CCDC33: variants seen among roughly 807,000 people sequenced by gnomAD.
The protein encoded by CCDC33 is coiled-coil domain-containing protein 33.
CCDC33 carries 94 observed loss-of-function variants against 91.9 expected under a neutral mutation model. That is an observed-to-expected ratio of 1.02 (90% CI 0.87 to 1.21). The LOEUF (loss-of-function observed/expected upper bound fraction) is 1.21. Ranked by LOEUF, CCDC33 falls within the 50% of genes most tolerant of loss-of-function variation. The probability of loss-of-function intolerance (pLI) is 0.00; values close to 1 mark genes in which losing one functional copy is unlikely to be tolerated. For missense variants in CCDC33, 940 were observed against 935.5 expected, an observed-to-expected ratio of 1.00 and a Z score of -0.06; for synonymous variants, 396 against 374.5, an observed-to-expected ratio of 1.06 and a Z score of -0.66.
chr15:74,236,521 C>CA lies in CCDC33; in HGVS notation c.-199_-198insA. The CA allele has an allele frequency of 2.4e-6, 1 of 410,586 alleles. No individual in the cohort carries two copies. The highest frequency in any genetic ancestry group is 4.5e-6 in the Non-Finnish European group (1 of 223,368). The allele number at this position is 410,586 out of a possible 1,614,324, so 25.4% of individuals were successfully genotyped here. On this transcript the variant is annotated 5_prime_UTR_variant, in exon 1 of 19. Transcript: ENST00000398814. The stretch of plus-strand genomic sequence containing the variant: ...CTGCTCCCACCTGGCCACCCTCCCC[C>CA]TCCCCCCACATCCAGGCCCCAGGGC...
chr15:74,209,318 C>G, intron 1 of CCDC33: 1 of 1,488,360 alleles, frequency 6.7e-7, no homozygotes, highest in Non-Finnish European at 9.1e-7. Context: ...CTGAGTTTCC[C>G]CAGATGTGGC....
At chr15:74,221,436 G>A in intron 2 of CCDC33, 1 of 513,482 alleles carries the variant, frequency 1.9e-6, no homozygotes, top group Non-Finnish European at 2.5e-6. Flanking sequence ...CTCAGCCACG[G>A]CCCCTGGGTT....
intron 2 of CCDC33, among the ~76,000 whole-genome samples, chr15:74,210,986 T>C (rs1371780499): frequency 1.3e-5 from 2 of 152,154 alleles, no homozygotes; most frequent in Non-Finnish European, 2.9e-5. Flanking sequence ...AGACAGAGCC[T>C]TAGCTAAGGC....
intron 2 of CCDC33, among the ~76,000 whole-genome samples, chr15:74,229,572 C>T (rs1354211175): frequency 6.6e-6 from 1 of 152,190 alleles, no homozygotes; most frequent in Non-Finnish European, 1.5e-5. Context: ...ACTGAGTTAA[C>T]GTATGTAAAA....
At chr15:74,221,434 C>G (rs978650538) in intron 2 of CCDC33, 3 of 540,308 alleles carry the variant, frequency 5.6e-6, no homozygotes, top group South Asian at 1.6e-4. Context: ...TTCTCAGCCA[C>G]GGCCCCTGGG....
intron 12 of CCDC33, 144 bp downstream of exon 12, chr15:74,330,498 C>G (rs2142875467): frequency 8.9e-7 from 1 of 1,127,764 alleles, no homozygotes; most frequent in East Asian, 2.5e-5. Flanking sequence ...CACAGACACT[C>G]ACACAGTCCC....
intron 6 of CCDC33, 62 bp from the exon 7 acceptor site, chr15:74,272,709 C>T (rs1174529344): frequency 5.0e-6 from 8 of 1,593,522 alleles, no homozygotes; most frequent in Non-Finnish European, 6.8e-6. Context: ...AGCGGGGGGC[C>T]CTGGGCTGCC....
At position 74,218,823 on chromosome 15, in the gene CCDC33, A is replaced by G. The variant is rs1378795230; in HGVS notation, c.637A>G (p.Met213Val). The G allele has an allele frequency of 7.9e-7, 1 of 1,271,426 alleles. No homozygotes were observed. Among genetic ancestry groups the G allele is most frequent in the Non-Finnish European group, 1.0e-6 (1 of 978,638 alleles). 78.8% of individuals were successfully genotyped at this position (1,271,426 alleles called of 1,614,324 possible). A position where few individuals can be genotyped will look rare whatever the true frequency, so the allele number is the denominator to read the frequency against. Residue 213 changes from methionine to valine, a missense_variant, in exon 2 of 3, where the codon ATG becomes GTG. Physicochemically the swap from Met to Val is conservative, Grantham distance 21. Transcript: ENST00000635913. The surrounding 1 kb of genome is among the most constrained non-coding windows in gnomAD (Gnocchi z 4.8). ...TCCCAGGGCTGGCCAGCCAGAACTG[A>G]TGTCACCATGCCCAGAGCCCCAGCT...
chr15:74,283,331 C>G (rs2059406716), intron 10 of CCDC33, among the ~76,000 whole-genome samples: 1 of 152,228 alleles, frequency 6.6e-6, no homozygotes, highest in Non-Finnish European at 1.5e-5. Context: ...CCACCTCCCT[C>G]TGTCTCCTGC....
At chr15:74,251,057 A>T (rs1213068335) in intron 2 of CCDC33, among the ~76,000 whole-genome samples, 1 of 152,222 alleles carries the variant, frequency 6.6e-6, no homozygotes, top group Non-Finnish European at 1.5e-5. Flanking sequence ...TCCCTGTATG[A>T]ACTCAGGCCA....
chr15:74,221,237 T>TC (rs2074588094), intron 2 of CCDC33: 13 of 979,816 alleles, frequency 1.3e-5, no homozygotes, highest in Non-Finnish European at 1.4e-5. Context: ...TTTTTTTTTT[T>TC]TTTTTTCACC....
At chr15:74,213,696 C>T (rs1464642826), upstream of CCDC33, among the ~76,000 whole-genome samples, 3 of 152,200 alleles carry the variant, frequency 2.0e-5, no homozygotes, top group Non-Finnish European at 4.4e-5. Context: ...CCATTCTTCC[C>T]TTTGCTGGTC....
Position 74,218,892 on chromosome 15 carries a change from C to G in CCDC33, c.675+31C>G. The G allele has an allele frequency of 4.2e-6, 5 of 1,204,740 alleles. No homozygotes were observed. Among genetic ancestry groups the G allele is most frequent in the Non-Finnish European group, 5.3e-6 (5 of 949,080 alleles). The allele number at this position is 1,204,740 out of a possible 1,614,324, so 74.6% of individuals were successfully genotyped here. A position where few individuals can be genotyped will look rare whatever the true frequency, so the allele number is the denominator to read the frequency against. On this transcript the variant is annotated intron_variant, in intron 2 of 2. Coordinates refer to the CCDC33 transcript ENST00000635913. This position sits in a 1 kb window ranked among gnomAD's most constrained non-coding sequence, Gnocchi z 4.8. ...TGCTTCCCTGGTCCCAGTTCAGGTT[C>G]TGGGCTCACCGGGTACAAGACCCAG...
intron 2 of CCDC33, among the ~76,000 whole-genome samples, chr15:74,256,257 T>C (rs539030199): frequency 1.4e-4 from 21 of 151,912 alleles, no homozygotes; most frequent in Non-Finnish European, 2.4e-4. Context: ...AGCCAGGGAG[T>C]GGCCCCAGAC....
chr15:74,213,761 A>C (rs972139025), upstream of CCDC33, among the ~76,000 whole-genome samples: 1 of 152,130 alleles, frequency 6.6e-6, no homozygotes, highest in Non-Finnish European at 1.5e-5. Flanking sequence ...CTTGAAGGGA[A>C]GGGAGTGGGA....
At chr15:74,318,081 TGC>T (rs1352755544) in intron 11 of CCDC33, among the ~76,000 whole-genome samples, 5 of 115,518 alleles carry the variant, frequency 4.3e-5, no homozygotes, top group Admixed American at 1.1e-4. Flanking sequence ...CAGCTTGTGC[TGC>T]TGCGGGGTGG....
At chr15:74,268,899 G>A (rs1261083601) in intron 5 of CCDC33, among the ~76,000 whole-genome samples, 1 of 152,266 alleles carries the variant, frequency 6.6e-6, no homozygotes, top group Non-Finnish European at 1.5e-5. Flanking sequence ...CCAAGCAAAA[G>A]TTTAGGGCCT....
chr15:74,261,237 G>A (rs933560548), intron 2 of CCDC33, among the ~76,000 whole-genome samples: 2 of 152,184 alleles, frequency 1.3e-5, no homozygotes, highest in Non-Finnish European at 2.9e-5. Flanking sequence ...TGCAAGCATG[G>A]TTACCCACAG....
intron 2 of CCDC33, chr15:74,221,423 C>A (rs913035988): frequency 9.1e-6 from 6 of 657,058 alleles, no homozygotes; most frequent in Non-Finnish European, 9.4e-6. Context: ...AATCATTTTG[C>A]TTCTCAGCCA....
Sources: gnomAD v4.1 joint callset for allele counts (sites outside exome capture counted in the v4.1 genomes callset) on GRCh38, gnomAD v4.1.1 for gene constraint, Gnocchi (gnomAD v3.1) non-coding constraint, MANE v1.5 for transcripts, NCBI Gene and HGNC (gene_info 2026-07-23, HGNC 2026-07-21) for gene names.